The following KCNH8 variants were observed in gnomAD, a reference collection of about 807,000 sequenced individuals.
The protein encoded by KCNH8 is potassium voltage-gated channel subfamily H member 8, also known as voltage-gated delayed rectifier potassium channel KCNH8.
KCNH8 carries 70 observed loss-of-function variants against 103.6 expected under a neutral mutation model. That is an observed-to-expected ratio of 0.68 (90% CI 0.56 to 0.82). The LOEUF (loss-of-function observed/expected upper bound fraction) is 0.82. KCNH8 is among the 40% of genes least tolerant of loss of function. The probability of loss-of-function intolerance (pLI) is 0.00; values close to 1 mark genes in which losing one functional copy is unlikely to be tolerated. For missense variants in KCNH8, 1,217 were observed against 1,329.9 expected (o/e 0.92, Z 1.32); for synonymous variants, 498 against 489.4 (o/e 1.02, Z -0.23).
At chr3:19,459,554 C>T (rs2067588760) in intron 11 of KCNH8, among the ~76,000 whole-genome samples, 3 of 152,014 alleles carry the variant, frequency 2.0e-5, no homozygotes, top group Non-Finnish European at 4.4e-5. Context: ...TGTAGATTGT[C>T]TCTTGATTCT....
At chr3:19,214,515 G>C (rs2125227309) in intron 1 of KCNH8, among the ~76,000 whole-genome samples, 1 of 152,272 alleles carries the variant, frequency 6.6e-6, no homozygotes, top group East Asian at 1.9e-4. Context: ...TTTGACTTAA[G>C]GCAAGGACAA....
intron 1 of KCNH8, among the ~76,000 whole-genome samples, chr3:19,225,211 T>C (rs13097537): frequency 6.6e-6 from 1 of 151,934 alleles, no homozygotes; most frequent in Non-Finnish European, 1.5e-5. Flanking sequence ...AACTCTAATA[T>C]GGATTGGATT....
intron 3 of KCNH8, among the ~76,000 whole-genome samples, chr3:19,324,634 G>T (rs1406353208): frequency 5.3e-5 from 8 of 152,080 alleles, no homozygotes; most frequent in Admixed American, 5.2e-4. Context: ...CTTGCTAGGG[G>T]GGTGAAAGAT....
At chr3:19,292,694 G>C (rs545821332) in intron 3 of KCNH8, among the ~76,000 whole-genome samples, 1 of 152,242 alleles carries the variant, frequency 6.6e-6, no homozygotes, top group South Asian at 2.1e-4. Context: ...CTGCTCTGCT[G>C]TCCTTTATGT....
chr3:19,283,872 G>A (rs2064791237), intron 3 of KCNH8, among the ~76,000 whole-genome samples: 1 of 151,182 alleles, frequency 6.6e-6, no homozygotes, highest in Non-Finnish European at 1.5e-5. Flanking sequence ...CAGCCCAGGA[G>A]GTGAATGCTG....
intron 3 of KCNH8, among the ~76,000 whole-genome samples, chr3:19,314,485 A>G (rs7433802): frequency 0.45 from 67,907 of 151,728 alleles, 16,785 homozygotes; most frequent in African/African-American, 0.67. Flanking sequence ...CAGTAGGATC[A>G]CTTGAGCCCA....
intron 11 of KCNH8, among the ~76,000 whole-genome samples, chr3:19,469,325 C>A (rs1348057715): frequency 2.0e-5 from 3 of 152,166 alleles, no homozygotes; most frequent in Non-Finnish European, 4.4e-5. Flanking sequence ...TTGCAGTGAA[C>A]TGTTTTACAC....
Position 19,421,059 on chromosome 3 carries a change from G to T in KCNH8, c.1178-17105G>T, listed in dbSNP as rs1275073105. Among the ~76,000 whole-genome samples the T allele has an allele frequency of 2.0e-5, 3 of 152,082 alleles. No homozygotes were observed. In the East Asian group the frequency reaches 5.8e-4, roughly 29 times the overall value. ...ATTGTCACTGCCAAGTTATAGAATT[G>T]GTAGAATTTGACACTTTTTAAAAAA... On this transcript the variant is annotated intron_variant, in intron 7 of 15. Coordinates refer to ENST00000328405, the MANE Select transcript of KCNH8 (RefSeq NM_144633.3).
chr3:19,253,930 G>T lies in KCNH8; in HGVS notation c.310+43G>T, dbSNP rs1474748847. 2.9e-6 allele frequency: 4 copies of T among 1,390,112 alleles called. No individual in the cohort carries two copies. The Admixed American group carries it at 6.8e-5, about 24-fold the overall frequency. The allele number at this position is 1,390,112 out of a possible 1,614,324, so 86.1% of individuals were successfully genotyped here. ...CGTGCTCACTGGAGAGTAGTGAGAG[G>T]CCGTCTTCTTTCAACCTAGTAATTG... On this transcript the variant is annotated intron_variant, in intron 2 of 15. Coordinates refer to ENST00000328405, the MANE Select transcript of KCNH8 (RefSeq NM_144633.3).
chr3:19,494,487 C>T (rs922522254), intron 11 of KCNH8, among the ~76,000 whole-genome samples: 4 of 152,152 alleles, frequency 2.6e-5, no homozygotes, highest in Non-Finnish European at 5.9e-5. Context: ...ATTGTGAGTC[C>T]TCTTCAGCCA....
At chr3:19,499,664 C>G (rs1309048099) in intron 11 of KCNH8, among the ~76,000 whole-genome samples, 4 of 152,074 alleles carry the variant, frequency 2.6e-5, no homozygotes, top group Non-Finnish European at 5.9e-5. Flanking sequence ...ATTTTCAACC[C>G]AGAATTTCAT....
At position 19,521,747 on chromosome 3, in the gene KCNH8, TCTTAA is replaced by T. The variant is rs1395627669; in HGVS notation, c.2619+3676_2619+3680del. 1.3e-4 allele frequency among the ~76,000 whole-genome samples: 20 copies of T among 152,004 alleles called. No individual in the cohort carries two copies. In the South Asian group the frequency reaches 3.7e-3, roughly 28 times the overall value. On this transcript the variant is annotated intron_variant, in intron 15 of 15. Transcript: ENST00000328405. The stretch of plus-strand genomic sequence containing the variant: ...ATTAATGATATTTCAAAGCATCTTA[TCTTAA>T]CTAGTTTGATTGTAATTGTGCTACT...
intron 1 of KCNH8, among the ~76,000 whole-genome samples, chr3:19,214,964 A>G (rs971466716): frequency 2.0e-5 from 3 of 152,192 alleles, no homozygotes; most frequent in Non-Finnish European, 2.9e-5. Context: ...TGATGCACCA[A>G]TATCTAAGGC....
At chr3:19,245,271 T>G (rs1247622415) in intron 1 of KCNH8, among the ~76,000 whole-genome samples, 4 of 152,190 alleles carry the variant, frequency 2.6e-5, no homozygotes, top group Non-Finnish European at 2.9e-5. Flanking sequence ...TGGTTGTAAA[T>G]GTGTGGCTTT....
At chr3:19,354,690 G>A (rs1447361642) in intron 5 of KCNH8, among the ~76,000 whole-genome samples, 3 of 152,184 alleles carry the variant, frequency 2.0e-5, no homozygotes, top group East Asian at 1.9e-4. Context: ...GTAGAAAGCT[G>A]AAACTGGATC....
At chr3:19,313,709 A>C (rs952042949) in intron 3 of KCNH8, among the ~76,000 whole-genome samples, 2 of 151,846 alleles carry the variant, frequency 1.3e-5, no homozygotes, top group African/African-American at 2.4e-5. Flanking sequence ...GGAAAAAAAA[A>C]AAAAACAACT....
At chr3:19,503,452 C>T (rs1371984729) in intron 11 of KCNH8, among the ~76,000 whole-genome samples, 2 of 152,154 alleles carry the variant, frequency 1.3e-5, no homozygotes, top group African/African-American at 4.8e-5. Context: ...GACTATAAAT[C>T]ATGCTGCTAT....
chr3:19,485,949 T>G (rs1259837876), intron 11 of KCNH8, among the ~76,000 whole-genome samples: 2 of 152,218 alleles, frequency 1.3e-5, no homozygotes, highest in East Asian at 3.9e-4. Context: ...TAGAAAGGCA[T>G]ATCGAGAGTC....
At chr3:19,298,478 A>G (rs1575506375) in intron 3 of KCNH8, among the ~76,000 whole-genome samples, 2 of 152,370 alleles carry the variant, frequency 1.3e-5, no homozygotes, top group East Asian at 1.9e-4. Flanking sequence ...GTTACAGTTG[A>G]GTTATCAAAA....
Sources: allele counts gnomAD v4.1 joint callset (sites outside exome capture counted in the v4.1 genomes callset), GRCh38; gene constraint gnomAD v4.1.1; transcripts MANE v1.5; gene names NCBI Gene and HGNC (gene_info 2026-07-23, HGNC 2026-07-21).